The following GAK variants were observed in gnomAD, a reference collection of about 807,000 sequenced individuals.
GAK encodes the protein cyclin G associated kinase, also known as cyclin-G-associated kinase.
In GAK, 79 loss-of-function variants were observed where a neutral mutation model predicts 143.9. The ratio of observed to expected loss-of-function variants is 0.55; its 90% CI spans 0.46 to 0.66. The LOEUF is 0.66. GAK is among the 30% of genes least tolerant of loss of function. The pLI, the probability that GAK is intolerant of heterozygous loss-of-function variation, is 0.00. For missense variants in GAK, 1,693 were observed against 1,779.7 expected, an observed-to-expected ratio of 0.95 and a Z score of 0.88; for synonymous variants, 881 against 765.5, an observed-to-expected ratio of 1.15 and a Z score of -2.49.
intron 27 of GAK, 57 bp from the exon 28 acceptor site, chr4:849,831 AGGAC>A: frequency 1.0e-6 from 1 of 998,988 alleles, no homozygotes; most frequent in Non-Finnish European, 1.4e-6. Flanking sequence ...CGGGCGGGGC[AGGAC>A]CCCCCCCCCG....
chr4:904,901 T>G, intron 4 of GAK, 122 bp from the exon 5 acceptor site: 1 of 965,876 alleles, frequency 1.0e-6, no homozygotes, highest in African/African-American at 1.7e-5. Flanking sequence ...TTTCCACACC[T>G]AAGTAACAAA....
Position 896,118 on chromosome 4 carries a change from G to A in GAK, c.741+342C>T, listed in dbSNP as rs368350269. On this transcript the variant is annotated intron_variant, in intron 7 of 27. Transcript: ENST00000314167. ...CTTCTACCAAAAATACAAAATAATA[G>A]CCGGGCATGGTGGTGAGCACCTGTG... is the stretch of plus-strand genomic sequence containing the variant. Among the ~76,000 whole-genome samples, 129 of 152,306 alleles carry A rather than the reference G, an allele frequency of 8.5e-4. 1 individual carries two copies. Among genetic ancestry groups the A allele is most frequent in the African/African-American group, 3.0e-3 (124 of 41,564 alleles).
At chr4:931,915 G>C (rs889849278) in intron 1 of GAK, 128 bp downstream of exon 1, 1 of 718,424 alleles carries the variant, frequency 1.4e-6, no homozygotes, top group South Asian at 1.7e-5. Context: ...GGCCGACCCT[G>C]ACCCACGATC....
intron 1 of GAK, among the ~76,000 whole-genome samples, chr4:930,387 T>G (rs751017055): frequency 5.3e-5 from 8 of 151,718 alleles, no homozygotes; most frequent in Non-Finnish European, 1.2e-4. Flanking sequence ...CTGCCCACAT[T>G]TCCTTGTTCT....
chr4:888,625 C>T (rs1717023850), intron 11 of GAK: 2 of 569,896 alleles, frequency 3.5e-6, no homozygotes, highest in South Asian at 4.4e-5. Flanking sequence ...CTCAGCAGGG[C>T]CTTGCCCCCC....
At chr4:907,511 G>A (rs980124448) in intron 4 of GAK, among the ~76,000 whole-genome samples, 4 of 152,238 alleles carry the variant, frequency 2.6e-5, no homozygotes, top group Admixed American at 6.5e-5. Context: ...ATGGATGGGC[G>A]AGTCTGTTTC....
At chr4:905,622 C>T (rs1403757405) in intron 4 of GAK, among the ~76,000 whole-genome samples, 3 of 151,408 alleles carry the variant, frequency 2.0e-5, no homozygotes, top group Non-Finnish European at 2.9e-5. Context: ...CCAGGCCACG[C>T]TTCGGACTCT....
At chr4:924,827 G>GC (rs1245009204) in intron 1 of GAK, among the ~76,000 whole-genome samples, 5 of 83,200 alleles carry the variant, frequency 6.0e-5, no homozygotes, top group South Asian at 1.5e-3. Flanking sequence ...TGGGGGTGGA[G>GC]TTCCCCCGGG....
At chr4:859,892 G>A (rs1391522470) in intron 23 of GAK, among the ~76,000 whole-genome samples, 170 bp from the exon 24 acceptor site, 1 of 152,116 alleles carries the variant, frequency 6.6e-6, no homozygotes, top group Non-Finnish European at 1.5e-5. Context: ...TGTGTGTGGC[G>A]GACGCTGCCT....
At chr4:863,779 C>T (rs1750684721) in intron 23 of GAK, among the ~76,000 whole-genome samples, 1 of 152,216 alleles carries the variant, frequency 6.6e-6, no homozygotes, top group Non-Finnish European at 1.5e-5. Context: ...AATCCCAGCA[C>T]TTTGGGAGGC....
chr4:851,823 T>C lies in GAK; in HGVS notation c.3435A>G (p.Pro1145=), dbSNP rs1362670615. 1 of 1,611,796 alleles carries C rather than the reference T, an allele frequency of 6.2e-7. No individual in the cohort carries two copies. Among genetic ancestry groups the C allele is most frequent in the East Asian group, 2.2e-5 (1 of 44,852 alleles). Residue 1145 remains proline (P), a synonymous_variant, in exon 25 of 28, where the codon CCA becomes CCG. Transcript: ENST00000314167. ...TGAAGTTCGAGGCATAGTTAGGCCT[T>C]GGCTGTGTGCAGGCTTTGGGGGGCG... The part of the protein sequence containing the change: ...AKPPPKACTQ[P]RPNYASNFSV...
rs577969588 is a variant in GAK at position 866,483 on chromosome 4, C to T, written c.2924G>A (p.Cys975Tyr). 4 of 1,614,056 alleles carry T rather than the reference C, an allele frequency of 2.5e-6. No homozygotes were observed. The African/African-American group carries it at 4.0e-5, about 16-fold the overall frequency. Residue 975 changes from cysteine to tyrosine, a missense_variant, in exon 22 of 28, where the codon TGC becomes TAC. Physicochemically the swap from Cys to Tyr is radical, Grantham distance 194. Transcript: ENST00000314167. The stretch of plus-strand genomic sequence containing the variant: ...TTCGCCGAAGAGATCAGGATTGGAG[C>T]AGGGCTGGGAGTTGTTGCCTGAAGA... ...LPSSGNNSQP[C>Y]SNPDLFGEFL...
chr4:898,172 C>G lies in GAK; in HGVS notation c.526-14G>C, dbSNP rs1465107429. The stretch of plus-strand genomic sequence containing the variant: ...CAAGTTCTCAACCTGTAAAATTCCA[C>G]AAGACAGCCCCGTGAACTTGGCGTA... On this transcript the variant is annotated splice_polypyrimidine_tract_variant and intron_variant, in intron 5 of 27. Transcript: ENST00000314167. The G allele has an allele frequency of 3.7e-6, 6 of 1,613,438 alleles. No individual in the cohort carries two copies. The highest frequency in any genetic ancestry group is 5.1e-6 in the Non-Finnish European group (6 of 1,179,510).
Position 903,012 on chromosome 4 carries a change from G to A in GAK, c.525+1625C>T, listed in dbSNP as rs1014808165. Among the ~76,000 whole-genome samples, 4 of 152,204 alleles carry A rather than the reference G, an allele frequency of 2.6e-5. No homozygotes were observed. In the East Asian group the frequency reaches 5.8e-4, roughly 22 times the overall value. ...AGGCCAGCCAAAATCAACACAGGCA[G>A]CTCAGGGCATGGACAGCCCACGGGG... On this transcript the variant is annotated intron_variant, in intron 5 of 27. Coordinates refer to ENST00000314167, the MANE Select transcript of GAK (RefSeq NM_005255.4).
chr4:876,486 G>C, intron 18 of GAK, 44 bp downstream of exon 18: 2 of 1,551,180 alleles, frequency 1.3e-6, no homozygotes, highest in Non-Finnish European at 1.8e-6. Context: ...CTGCGGCACA[G>C]GGCACCTGTC....
At chr4:913,849 C>G in intron 1 of GAK, 181 bp from the exon 2 acceptor site, 1 of 590,312 alleles carries the variant, frequency 1.7e-6, no homozygotes, top group East Asian at 3.0e-5. Flanking sequence ...TACATGCCCC[C>G]ACACACACAG....
rs766096942 is a variant in GAK, at chr4:920,539, A to AATTTTTTTTTTTTTT, written c.146-6872_146-6871insAAAAAAAAAAAAAAT. Among the ~76,000 whole-genome samples, 72 of 129,584 alleles carry AATTTTTTTTTTTTTT rather than the reference A, an allele frequency of 5.6e-4. 5 individuals are homozygous for AATTTTTTTTTTTTTT. In the South Asian group the frequency reaches 0.017, roughly 30 times the overall value. The allele number at this position is 129,584 out of a possible 152,430, so 85.0% of individuals were successfully genotyped here. On this transcript the variant is annotated intron_variant, in intron 1 of 27. Coordinates refer to ENST00000314167, the MANE Select transcript of GAK (RefSeq NM_005255.4). ...AAAATTGTGAAAAAGGTTTAGAGCC[A>AATTTTTTTTTTTTTT]TTTTTTTTTTTTTTTTTTTTTTGAG... is the stretch of plus-strand genomic sequence containing the variant.
intron 4 of GAK, among the ~76,000 whole-genome samples, chr4:906,470 G>A (rs1365592336): frequency 6.6e-6 from 1 of 152,130 alleles, no homozygotes; most frequent in Non-Finnish European, 1.5e-5. Context: ...GCAGCACGCA[G>A]GGCTGAGGAC....
chr4:892,517 G>T (rs966600465), intron 9 of GAK, among the ~76,000 whole-genome samples: 1 of 152,182 alleles, frequency 6.6e-6, no homozygotes, highest in African/African-American at 2.4e-5. Flanking sequence ...CAGCCAACAC[G>T]TGCTGCTCCC....
Sources: allele counts gnomAD v4.1 joint callset (sites outside exome capture counted in the v4.1 genomes callset), GRCh38; gene constraint gnomAD v4.1.1; transcripts MANE v1.5; gene names NCBI Gene and HGNC (gene_info 2026-07-23, HGNC 2026-07-21).